The following LYNX1 variants were observed in gnomAD, a reference collection of about 807,000 sequenced individuals.
The protein encoded by LYNX1 is Ly6/neurotoxin 1.
LYNX1 carries 8 observed loss-of-function variants against 8.3 expected under a neutral mutation model. That is an observed-to-expected ratio of 0.97 (90% confidence interval 0.57 to 1.74). The LOEUF is 1.74. Among genes scored for constraint, LYNX1 ranks in the 40% most tolerant of loss-of-function variants. LYNX1 has a pLI of 0.00. For synonymous variants in LYNX1, 73 were observed against 67.9 expected, an observed-to-expected ratio of 1.08 and a Z score of -0.37; for missense variants, 158 against 159.7, an observed-to-expected ratio of 0.99 and a Z score of 0.06.
In LYNX1 at chr8:142,771,700, C is replaced by G; in HGVS notation, c.*3467G>C. Reference sequence around the variant, plus strand: ...ATATCCACCGAGGGCCTCTCTGCTTCTTTTGACCTTTTTCAGAGTTTCAGA... The same window carrying G: ...ATATCCACCGAGGGCCTCTCTGCTTGTTTTGACCTTTTTCAGAGTTTCAGA... On this transcript the variant is annotated 3_prime_UTR_variant, in exon 4 of 4. Coordinates refer to ENST00000652477, the MANE Select transcript of LYNX1 (RefSeq NM_177477.4). 1 of 985,862 alleles carries G rather than the reference C, an allele frequency of 1.0e-6. No homozygotes were observed. The highest frequency in any genetic ancestry group is 1.2e-6 in the Non-Finnish European group (1 of 829,944). The allele number at this position is 985,862 out of a possible 1,614,324, so 61.1% of individuals were successfully genotyped here.
upstream of LYNX1, chr8:142,777,297 C>A (rs1476271599): frequency 6.2e-6 from 1 of 160,392 alleles, no homozygotes; most frequent in Non-Finnish European, 1.3e-5. Flanking sequence ...GCGAGCTCAC[C>A]GCAGGCCCCG....
At position 142,775,221 on chromosome 8, in the gene LYNX1, C is replaced by T. The variant is rs137879086; in HGVS notation, c.297G>A (p.Pro99=). Residue 99 remains proline (P), a synonymous_variant, in exon 4 of 4, where the codon CCG becomes CCA. Transcript: ENST00000652477. ...GGATGGGGGCCAGGGCCAGGGTGGC[C>T]GGGGTGGCAAGGCCGGTGCCGTTGC... ...DLCNGTGLAT[P]ATLALAPILL... The T allele has an allele frequency of 9.7e-5, 157 of 1,613,128 alleles. 1 individual carries two copies. The African/African-American group carries it at 1.3e-3, about 13-fold the overall frequency.
At position 142,771,843 on chromosome 8, in the gene LYNX1, C is replaced by G; in HGVS notation, c.*3324G>C. ...GACCTCCGCCTGGAGGAAGCCTGCC[C>G]AGGGCCGCAGCCCTGCCCCCAAAGA... On this transcript the variant is annotated 3_prime_UTR_variant, in exon 4 of 4. Transcript: ENST00000652477. 1.0e-6 allele frequency: 1 copy of G among 985,920 alleles called. No individual in the cohort carries two copies. Among genetic ancestry groups the G allele is most frequent in the Non-Finnish European group, 1.2e-6 (1 of 830,012 alleles). The allele number at this position is 985,920 out of a possible 1,614,324, so 61.1% of individuals were successfully genotyped here. A position where few individuals can be genotyped will look rare whatever the true frequency, so the allele number is the denominator to read the frequency against.
In LYNX1 at chr8:142,774,429, TC is replaced by T; in HGVS notation, c.*737del. ...CCACCAAATATAGCATGGCCCTAGC[TC>T]CTGCCAGCTTCAGGCCTGGTGCCCT... On this transcript the variant is annotated 3_prime_UTR_variant, in exon 4 of 4. Transcript: ENST00000652477. The T allele has an allele frequency of 2.0e-6, 2 of 985,760 alleles. No homozygotes were observed. Among genetic ancestry groups the T allele is most frequent in the Non-Finnish European group, 2.4e-6 (2 of 830,114 alleles). 61.1% of individuals were successfully genotyped at this position (985,760 alleles called of 1,614,324 possible). A position where few individuals can be genotyped will look rare whatever the true frequency, so the allele number is the denominator to read the frequency against.
rs1815271862 is a variant in LYNX1 at position 142,773,650 on chromosome 8, G to A, written c.*1517C>T. ...AGGCCTGCATATAGACTCACTGCAA[G>A]GAGACCCCTGGGGTGGAGACCCTCA... On this transcript the variant is annotated 3_prime_UTR_variant, in exon 4 of 4. Transcript: ENST00000652477. The A allele has an allele frequency of 2.0e-6, 2 of 985,270 alleles. No homozygotes were observed. Among genetic ancestry groups the A allele is most frequent in the Non-Finnish European group, 1.2e-6 (1 of 829,946 alleles). The allele number at this position is 985,270 out of a possible 1,614,324, so 61.0% of individuals were successfully genotyped here.
In LYNX1 at chr8:142,772,479, C is replaced by A; in HGVS notation, c.*2688G>T. ...GGCTTGGGGGTCCAAGGAACCCCAG[C>A]TGGTGGGAGAAGCGGCTGCACTGTG... On this transcript the variant is annotated 3_prime_UTR_variant, in exon 4 of 4. Transcript: ENST00000652477. 1.0e-6 allele frequency: 1 copy of A among 985,490 alleles called. No individual in the cohort carries two copies. Among genetic ancestry groups the A allele is most frequent in the Middle Eastern group, 5.2e-4 (1 of 1,914 alleles). The allele number at this position is 985,490 out of a possible 1,614,324, so 61.0% of individuals were successfully genotyped here.
chr8:142,772,542 T>C lies in LYNX1; in HGVS notation c.*2625A>G, dbSNP rs1815226911. 2 of 985,306 alleles carry C rather than the reference T, an allele frequency of 2.0e-6. No homozygotes were observed. The highest frequency in any genetic ancestry group is 2.4e-6 in the Non-Finnish European group (2 of 829,980). The allele number at this position is 985,306 out of a possible 1,614,324, so 61.0% of individuals were successfully genotyped here. ...GTGAGTGAGCGAGGAGGCACTAGTGTGGGGCAGCTACTTCACCTCCCTGTG... is the reference window on the plus strand; with the variant it reads ...GTGAGTGAGCGAGGAGGCACTAGTGCGGGGCAGCTACTTCACCTCCCTGTG... On this transcript the variant is annotated 3_prime_UTR_variant, in exon 4 of 4. Transcript: ENST00000652477.
Position 142,775,263 on chromosome 8 carries a change from G to A in LYNX1, c.255C>T (p.Cys85=), listed in dbSNP as rs1265157664. ...GYSKHASTTS[C]CQYDLCNGTG... ...TGCCGTTGCAGAGGTCGTACTGGCAGCAGGAGGTGGTGGACGCGTGCTTGG... is the reference window on the plus strand; with the variant it reads ...TGCCGTTGCAGAGGTCGTACTGGCAACAGGAGGTGGTGGACGCGTGCTTGG... The change falls in exon 4 of 4, where the codon TGC becomes TGT. Residue 85 remains cysteine (C), a synonymous_variant. Transcript: ENST00000652477. 6.2e-7 allele frequency: 1 copy of A among 1,613,952 alleles called. No homozygotes were observed. Among genetic ancestry groups the A allele is most frequent in the Non-Finnish European group, 8.5e-7 (1 of 1,179,996 alleles).
At position 142,776,090 on chromosome 8, in the gene LYNX1, G is replaced by A. The variant is rs927580280; in HGVS notation, c.-133C>T. On this transcript the variant is annotated 5_prime_UTR_variant, in exon 2 of 4. Transcript: ENST00000652477. ...GGACGTGGGGCCGGCCCTGCCTCCC[G>A]GAGCTCCTGGTCTACTGGGAGTGCT... The A allele has an allele frequency of 2.3e-5, 23 of 1,017,252 alleles. No individual in the cohort carries two copies. The highest frequency in any genetic ancestry group is 7.9e-5 in the African/African-American group (5 of 63,010). 63.0% of individuals were successfully genotyped at this position (1,017,252 alleles called of 1,614,324 possible).
chr8:142,773,961 G>C lies in LYNX1; in HGVS notation c.*1206C>G. 2.0e-6 allele frequency: 2 copies of C among 985,390 alleles called. No individual in the cohort carries two copies. The highest frequency in any genetic ancestry group is 2.4e-6 in the Non-Finnish European group (2 of 829,910). The allele number at this position is 985,390 out of a possible 1,614,324, so 61.0% of individuals were successfully genotyped here. A position where few individuals can be genotyped will look rare whatever the true frequency, so the allele number is the denominator to read the frequency against. On this transcript the variant is annotated 3_prime_UTR_variant, in exon 4 of 4. Transcript: ENST00000652477. Reference sequence around the variant, plus strand: ...AGGTGCTCCCTGGGCTACCTGCATCGGGGATGGATTGGTGCGTGTTGGGCT... The same window carrying C: ...AGGTGCTCCCTGGGCTACCTGCATCCGGGATGGATTGGTGCGTGTTGGGCT...
chr8:142,771,658 C>T lies in LYNX1; in HGVS notation c.*3509G>A. On this transcript the variant is annotated 3_prime_UTR_variant, in exon 4 of 4. Transcript: ENST00000652477. ...CCACCCAGAGTAGTGGGAGAAAGCA[C>T]CGGCAGAAAAGCTGGCATATCCACC... 3 of 985,798 alleles carry T rather than the reference C, an allele frequency of 3.0e-6. No individual in the cohort carries two copies. Among genetic ancestry groups the T allele is most frequent in the Non-Finnish European group, 3.6e-6 (3 of 829,944 alleles). The allele number at this position is 985,798 out of a possible 1,614,324, so 61.1% of individuals were successfully genotyped here.
At position 142,773,441 on chromosome 8, in the gene LYNX1, T is replaced by G; in HGVS notation, c.*1726A>C. 1.0e-6 allele frequency: 1 copy of G among 985,506 alleles called. No homozygotes were observed. Among genetic ancestry groups the G allele is most frequent in the Non-Finnish European group, 1.2e-6 (1 of 830,012 alleles). The allele number at this position is 985,506 out of a possible 1,614,324, so 61.0% of individuals were successfully genotyped here. A position where few individuals can be genotyped will look rare whatever the true frequency, so the allele number is the denominator to read the frequency against. On this transcript the variant is annotated 3_prime_UTR_variant, in exon 4 of 4. Coordinates refer to ENST00000652477, the MANE Select transcript of LYNX1 (RefSeq NM_177477.4). ...GGCCCAGTATGATGCCCATCTTCCC[T>G]CTGGGGAGTCACGTTCCTCCCGCTC...
rs587683224 is a variant in LYNX1, at chr8:142,772,250, C to T, written c.*2917G>A. 18 of 985,962 alleles carry T rather than the reference C, an allele frequency of 1.8e-5. No individual in the cohort carries two copies. The South Asian group carries it at 7.5e-4, about 41-fold the overall frequency. 61.1% of individuals were successfully genotyped at this position (985,962 alleles called of 1,614,324 possible). A position where few individuals can be genotyped will look rare whatever the true frequency, so the allele number is the denominator to read the frequency against. On this transcript the variant is annotated 3_prime_UTR_variant, in exon 4 of 4. Coordinates refer to ENST00000652477, the MANE Select transcript of LYNX1 (RefSeq NM_177477.4). ...TGGGCATCTACCCCCATGAAGGGGA[C>T]CCTCGGTTCTGCGAGAGAGATCCCC... is the stretch of plus-strand genomic sequence containing the variant.
Position 142,772,701 on chromosome 8 carries a change from T to A in LYNX1, c.*2466A>T. 1.0e-6 allele frequency: 1 copy of A among 985,634 alleles called. No homozygotes were observed. The highest frequency in any genetic ancestry group is 1.2e-6 in the Non-Finnish European group (1 of 830,062). 61.1% of individuals were successfully genotyped at this position (985,634 alleles called of 1,614,324 possible). A position where few individuals can be genotyped will look rare whatever the true frequency, so the allele number is the denominator to read the frequency against. Reference sequence around the variant, plus strand: ...CTTGATGCATACAACCCGGACAAGTTTACTGCTGTGATTTCTGCCGGCGCT... The same window carrying A: ...CTTGATGCATACAACCCGGACAAGTATACTGCTGTGATTTCTGCCGGCGCT... On this transcript the variant is annotated 3_prime_UTR_variant, in exon 4 of 4. Transcript: ENST00000652477.
rs996596616 is a variant in LYNX1 at position 142,773,845 on chromosome 8, G to A, written c.*1322C>T. 4.1e-6 allele frequency: 4 copies of A among 985,292 alleles called. No homozygotes were observed. In the South Asian group the frequency reaches 1.9e-4, roughly 46 times the overall value. 61.0% of individuals were successfully genotyped at this position (985,292 alleles called of 1,614,324 possible). A position where few individuals can be genotyped will look rare whatever the true frequency, so the allele number is the denominator to read the frequency against. Reference sequence around the variant, plus strand: ...AGGGTTTCTCAGGACACCAGAGCTGGGAGCACTGGTCAGGTGGGGGCCTCA... The same window carrying A: ...AGGGTTTCTCAGGACACCAGAGCTGAGAGCACTGGTCAGGTGGGGGCCTCA... On this transcript the variant is annotated 3_prime_UTR_variant, in exon 4 of 4. Transcript: ENST00000652477.
At position 142,773,680 on chromosome 8, in the gene LYNX1, C is replaced by T. The variant is rs971580770; in HGVS notation, c.*1487G>A. The T allele has an allele frequency of 1.3e-5, 13 of 985,314 alleles. No individual in the cohort carries two copies. In the African/African-American group the frequency reaches 2.3e-4, roughly 17 times the overall value. 61.0% of individuals were successfully genotyped at this position (985,314 alleles called of 1,614,324 possible). On this transcript the variant is annotated 3_prime_UTR_variant, in exon 4 of 4. Coordinates refer to ENST00000652477, the MANE Select transcript of LYNX1 (RefSeq NM_177477.4). Reference sequence around the variant, plus strand: ...CCCCTGGGGTGGAGACCCTCATTCCCTGATCCCCCAGGGGTCCTGCATCAA... The same window carrying T: ...CCCCTGGGGTGGAGACCCTCATTCCTTGATCCCCCAGGGGTCCTGCATCAA...
rs998723824 is a variant in LYNX1, at chr8:142,771,371, C to T, written c.*3796G>A. 56 of 985,448 alleles carry T rather than the reference C, an allele frequency of 5.7e-5. No individual in the cohort carries two copies. The highest frequency in any genetic ancestry group is 6.6e-5 in the Non-Finnish European group (55 of 830,036). 61.0% of individuals were successfully genotyped at this position (985,448 alleles called of 1,614,324 possible). A position where few individuals can be genotyped will look rare whatever the true frequency, so the allele number is the denominator to read the frequency against. On this transcript the variant is annotated 3_prime_UTR_variant, in exon 4 of 4. Coordinates refer to ENST00000652477, the MANE Select transcript of LYNX1 (RefSeq NM_177477.4). Reference sequence around the variant, plus strand: ...TCCATTCAGCGGGCACTTATGCCCACGACCAGCTGAGCCAGACCAGCATTC... The same window carrying T: ...TCCATTCAGCGGGCACTTATGCCCATGACCAGCTGAGCCAGACCAGCATTC...
At position 142,774,862 on chromosome 8, in the gene LYNX1, TCTG is replaced by T; in HGVS notation, c.*302_*304del. ...AAGGTGGGCTTGGCCACAGCTCCCA[TCTG>T]CTCAGTGCTCCCTGCCTGACTGGGC... is the stretch of plus-strand genomic sequence containing the variant. On this transcript the variant is annotated 3_prime_UTR_variant, in exon 4 of 4. Coordinates refer to ENST00000652477, the MANE Select transcript of LYNX1 (RefSeq NM_177477.4). The T allele has an allele frequency of 7.8e-7, 1 of 1,277,246 alleles. No individual in the cohort carries two copies. Among genetic ancestry groups the T allele is most frequent in the Non-Finnish European group, 9.9e-7 (1 of 1,007,572 alleles). The allele number at this position is 1,277,246 out of a possible 1,614,324, so 79.1% of individuals were successfully genotyped here. A position where few individuals can be genotyped will look rare whatever the true frequency, so the allele number is the denominator to read the frequency against.
Position 142,775,257 on chromosome 8 carries a change from C to T in LYNX1, c.261G>A (p.Gln87=). Residue 87 remains glutamine, a synonymous_variant, in exon 4 of 4, where the codon CAG becomes CAA. Transcript: ENST00000652477. ...SKHASTTSCC[Q]YDLCNGTGLA... ...GGCCGGTGCCGTTGCAGAGGTCGTA[C>T]TGGCAGCAGGAGGTGGTGGACGCGT... The T allele has an allele frequency of 2.5e-6, 4 of 1,613,970 alleles. No homozygotes were observed. The highest frequency in any genetic ancestry group is 3.4e-6 in the Non-Finnish European group (4 of 1,179,994).
Sources: gnomAD v4.1 joint callset for allele counts on GRCh38, gnomAD v4.1.1 for gene constraint, MANE v1.5 for transcripts, NCBI Gene and HGNC (gene_info 2026-07-23, HGNC 2026-07-21) for gene names.